The following OSBPL11 variants were observed in gnomAD, a reference collection of about 807,000 sequenced individuals.
OSBPL11 encodes oxysterol binding protein like 11.
OSBPL11 carries 33 observed loss-of-function variants against 84.4 expected under a neutral mutation model. The observed-to-expected ratio is 0.39, with a 90% CI of 0.30 to 0.52. The LOEUF is 0.52. Among genes scored for constraint, OSBPL11 ranks in the 20% least tolerant of loss-of-function variants. OSBPL11 has a pLI of 0.72. For missense variants in OSBPL11, 736 were observed against 901.1 expected (o/e 0.82, Z 2.35); for synonymous variants, 276 against 310.2 (o/e 0.89, Z 1.16).
At chr3:125,543,863 G>A (rs1935771559) in intron 10 of OSBPL11, among the ~76,000 whole-genome samples, 1 of 152,006 alleles carries the variant, frequency 6.6e-6, no homozygotes, top group Non-Finnish European at 1.5e-5. Context: ...TCGCACCACT[G>A]CACTCCAGCC....
chr3:125,581,398 T>A (rs1422584542), intron 2 of OSBPL11, among the ~76,000 whole-genome samples: 2 of 149,118 alleles, frequency 1.3e-5, no homozygotes, highest in Admixed American at 1.3e-4. Flanking sequence ...GGCCCCTTTT[T>A]AAAAAAGGAA....
At chr3:125,541,252 C>T (rs567808421) in intron 10 of OSBPL11, among the ~76,000 whole-genome samples, 38 of 152,308 alleles carry the variant, frequency 2.5e-4, no homozygotes, top group African/African-American at 8.7e-4. Flanking sequence ...CTTTAACAGG[C>T]ATGGAATGGG....
At chr3:125,585,828 TA>T (rs1330716465) in intron 1 of OSBPL11, among the ~76,000 whole-genome samples, 10 of 152,340 alleles carry the variant, frequency 6.6e-5, no homozygotes, top group African/African-American at 2.4e-4. Flanking sequence ...GTGGTCAGCA[TA>T]AAAAGTGCTC....
intron 10 of OSBPL11, among the ~76,000 whole-genome samples, chr3:125,547,052 T>C (rs994159108): frequency 3.9e-4 from 60 of 152,182 alleles, no homozygotes; most frequent in Admixed American, 3.0e-3. Flanking sequence ...TGATTAGATA[T>C]ATTTCCACCC....
intron 1 of OSBPL11, among the ~76,000 whole-genome samples, chr3:125,587,701 C>T (rs890534578): frequency 2.2e-4 from 34 of 152,154 alleles, no homozygotes; most frequent in African/African-American, 8.2e-4. Context: ...CCTGTAATCC[C>T]AGCACTTTGG....
At chr3:125,586,066 C>T (rs1355900901) in intron 1 of OSBPL11, among the ~76,000 whole-genome samples, 1 of 152,042 alleles carries the variant, frequency 6.6e-6, no homozygotes, top group Admixed American at 6.6e-5. Context: ...GGGAGACCCA[C>T]CCCATCTCTA....
At chr3:125,591,171 A>G (rs1364031661) in intron 1 of OSBPL11, among the ~76,000 whole-genome samples, 2 of 152,250 alleles carry the variant, frequency 1.3e-5, no homozygotes, top group Admixed American at 6.5e-5. Flanking sequence ...TTAGCTGGAC[A>G]TACCTAAAAC....
chr3:125,539,971 A>C (rs1935705862), intron 10 of OSBPL11, among the ~76,000 whole-genome samples: 1 of 152,186 alleles, frequency 6.6e-6, no homozygotes, highest in South Asian at 2.1e-4. Context: ...TCTGTCCAGC[A>C]TAAGCTAAGG....
chr3:125,589,342 CAA>C (rs35267505), intron 1 of OSBPL11, among the ~76,000 whole-genome samples: 8 of 62,016 alleles, frequency 1.3e-4, no homozygotes, highest in Middle Eastern at 9.4e-3. Context: ...AACTCCATCT[CAA>C]AAAAAAAAAA....
At chr3:125,572,363 C>T (rs541773116) in intron 5 of OSBPL11, among the ~76,000 whole-genome samples, 19 of 152,178 alleles carry the variant, frequency 1.2e-4, no homozygotes, top group East Asian at 1.9e-4. Context: ...TGCTAAAATG[C>T]GTTAAGTCTT....
chr3:125,551,862 G>A (rs1935914008), intron 9 of OSBPL11, among the ~76,000 whole-genome samples: 1 of 151,932 alleles, frequency 6.6e-6, no homozygotes, highest in African/African-American at 2.4e-5. Context: ...TTAGTTCATA[G>A]ATATACTCCT....
chr3:125,583,720 G>C (rs901687773), intron 1 of OSBPL11, among the ~76,000 whole-genome samples: 1 of 151,610 alleles, frequency 6.6e-6, no homozygotes, highest in Non-Finnish European at 1.5e-5. Context: ...ATGAGACACT[G>C]TCTCTCTTTA....
At position 125,595,087 on chromosome 3, in the gene OSBPL11, A is replaced by C. The variant is rs1936661097; in HGVS notation, c.-287T>G. On this transcript the variant is annotated 5_prime_UTR_variant, in exon 1 of 13. Coordinates refer to ENST00000296220, the MANE Select transcript of OSBPL11 (RefSeq NM_022776.5). ...AAAAAGCATCCGGCGAGAAGACTTA[A>C]GTGACATACTCAAAAGAGAAGGAGT... is the stretch of plus-strand genomic sequence containing the variant. 3.1e-6 allele frequency: 1 copy of C among 322,056 alleles called. No individual in the cohort carries two copies. Among genetic ancestry groups the C allele is most frequent in the South Asian group, 4.9e-5 (1 of 20,354 alleles). The allele number at this position is 322,056 out of a possible 1,614,324, so 19.9% of individuals were successfully genotyped here.
intron 1 of OSBPL11, among the ~76,000 whole-genome samples, chr3:125,588,048 C>A (rs986947412): frequency 6.6e-6 from 1 of 151,910 alleles, no homozygotes; most frequent in African/African-American, 2.4e-5. Context: ...ATGGTAAAAC[C>A]CTATCTCTAC....
chr3:125,540,140 A>G (rs923157495), intron 10 of OSBPL11, among the ~76,000 whole-genome samples: 11 of 151,966 alleles, frequency 7.2e-5, no homozygotes, highest in African/African-American at 2.7e-4. Flanking sequence ...ATTCACAATC[A>G]AGAGTTAAGA....
chr3:125,567,506 C>T lies in OSBPL11; in HGVS notation c.756G>A (p.Gln252=), dbSNP rs1936177401. The change falls in exon 6 of 13, where the codon CAG becomes CAA. Residue 252 remains glutamine (Q), a synonymous_variant. Coordinates refer to ENST00000296220, the MANE Select transcript of OSBPL11 (RefSeq NM_022776.5). ...PTSGHLSSLD[Q]DLLMLKATSM... The stretch of plus-strand genomic sequence containing the variant: ...AAGTAGCTTTGAGCATTAAGAGATC[C>T]TGGTCCAAGGAACTAAGATGGCCAG... The T allele has an allele frequency of 1.9e-6, 3 of 1,614,032 alleles. No individual in the cohort carries two copies. The highest frequency in any genetic ancestry group is 1.3e-5 in the African/African-American group (1 of 75,046).
At position 125,538,498 on chromosome 3, in the gene OSBPL11, C is replaced by T. The variant is rs753171031; in HGVS notation, c.1977G>A (p.Thr659=). The change falls in exon 11 of 13, where the codon ACG becomes ACA. Residue 659 remains threonine (T), a synonymous_variant. Transcript: ENST00000296220. ...KYVDLTKLAV[T]KKRVRPLEKQ... is the part of the protein sequence containing the mutation. ...TCTCCAGAGGTCTCACTCTTTTCTTCGTCACTGCCAATTTAGTCAAGTCCA... is the reference window on the plus strand; with the variant it reads ...TCTCCAGAGGTCTCACTCTTTTCTTTGTCACTGCCAATTTAGTCAAGTCCA... 12 of 1,613,950 alleles carry T rather than the reference C, an allele frequency of 7.4e-6. No individual in the cohort carries two copies. The Admixed American group carries it at 8.3e-5, about 11-fold the overall frequency.
intron 9 of OSBPL11, among the ~76,000 whole-genome samples, chr3:125,551,809 A>G (rs1426731619): frequency 6.6e-6 from 1 of 152,076 alleles, no homozygotes; most frequent in Non-Finnish European, 1.5e-5. Flanking sequence ...ACGAAAAGAA[A>G]TATTTAAAAT....
intron 8 of OSBPL11, among the ~76,000 whole-genome samples, chr3:125,556,164 A>G (rs531845117): frequency 1.3e-3 from 192 of 152,364 alleles, no homozygotes; most frequent in Non-Finnish European, 2.1e-3. Context: ...TTAGCCAAAG[A>G]GAATGCTAAA....
Sources: allele counts gnomAD v4.1 joint callset (sites outside exome capture counted in the v4.1 genomes callset), GRCh38; gene constraint gnomAD v4.1.1; transcripts MANE v1.5; gene names NCBI Gene and HGNC (gene_info 2026-07-23, HGNC 2026-07-21).